Variants in SLC24A3 observed in about 807,000 individuals in gnomAD.
The protein encoded by SLC24A3 is sodium/potassium/calcium exchanger 3.
In SLC24A3, 28 loss-of-function variants were observed where a neutral mutation model predicts 75.8. The ratio of observed to expected loss-of-function variants is 0.37; its 90% confidence interval spans 0.27 to 0.51. The LOEUF (loss-of-function observed/expected upper bound fraction) is 0.51, where lower values mean the gene tolerates loss of function less well. Ranked by LOEUF, SLC24A3 falls within the 20% of genes least tolerant of loss-of-function variation. SLC24A3 has a pLI of 0.94. For synonymous variants in SLC24A3, 372 were observed against 334.1 expected, an observed-to-expected ratio of 1.11 and a Z score of -1.24; for missense variants, 663 against 847.8, an observed-to-expected ratio of 0.78 and a Z score of 2.71.
intron 1 of SLC24A3, among the ~76,000 whole-genome samples, chr20:19,253,457 G>T (rs1982722180): frequency 6.6e-6 from 1 of 152,076 alleles, no homozygotes; most frequent in Non-Finnish European, 1.5e-5. Context: ...GAATCCTCTA[G>T]ACTTCCCCAA....
chr20:19,273,652 C>G (rs1402466686), intron 1 of SLC24A3, among the ~76,000 whole-genome samples: 5 of 152,108 alleles, frequency 3.3e-5, no homozygotes, highest in Non-Finnish European at 7.4e-5. Flanking sequence ...GATTCTGACT[C>G]TGGTCCAGCC....
Position 19,511,600 on chromosome 20 carries a change from T to A in SLC24A3, c.272-3888T>A, listed in dbSNP as rs532331485. On this transcript the variant is annotated intron_variant, in intron 2 of 16. Transcript: ENST00000328041. Reference sequence around the variant, plus strand: ...CATCGGCCTCCCAAAGTGCTGGGATTACAGGCGTGAGCCACCGCGCCCGGC... The same window carrying A: ...CATCGGCCTCCCAAAGTGCTGGGATAACAGGCGTGAGCCACCGCGCCCGGC... 3.9e-5 allele frequency among the ~76,000 whole-genome samples: 6 copies of A among 152,300 alleles called. No homozygotes were observed. The South Asian group carries it at 8.3e-4, about 21-fold the overall frequency.
chr20:19,436,113 C>T (rs1987196876), intron 2 of SLC24A3, among the ~76,000 whole-genome samples: 1 of 152,152 alleles, frequency 6.6e-6, no homozygotes. Context: ...GTTTCCAGAA[C>T]TTGGCACATG....
At chr20:19,432,101 A>C (rs1600478839) in intron 2 of SLC24A3, among the ~76,000 whole-genome samples, 1 of 152,138 alleles carries the variant, frequency 6.6e-6, no homozygotes, top group East Asian at 1.9e-4. Context: ...CAAAGGCACC[A>C]CTGAGGTGAC....
At chr20:19,236,420 A>G (rs1982170232) in intron 1 of SLC24A3, among the ~76,000 whole-genome samples, 1 of 152,158 alleles carries the variant, frequency 6.6e-6, no homozygotes, top group Non-Finnish European at 1.5e-5. Flanking sequence ...CATATATCAT[A>G]GTATGCTTCT....
At chr20:19,539,514 C>G (rs949435310) in intron 3 of SLC24A3, among the ~76,000 whole-genome samples, 4 of 152,152 alleles carry the variant, frequency 2.6e-5, no homozygotes, top group Admixed American at 6.5e-5. Context: ...CACTGAGACA[C>G]AGTAAGCACT....
intron 2 of SLC24A3, among the ~76,000 whole-genome samples, chr20:19,324,107 G>A (rs896316660): frequency 6.6e-6 from 1 of 152,188 alleles, no homozygotes; most frequent in Non-Finnish European, 1.5e-5. Context: ...TTGCTGCCAT[G>A]ATGTGGCCTA....
At chr20:19,645,370 A>G (rs2032125033) in intron 6 of SLC24A3, among the ~76,000 whole-genome samples, 1 of 152,204 alleles carries the variant, frequency 6.6e-6, no homozygotes. Context: ...ATGCTAATTA[A>G]TATAATTATT....
At chr20:19,314,161 G>A (rs1246874325) in intron 2 of SLC24A3, among the ~76,000 whole-genome samples, 1 of 152,134 alleles carries the variant, frequency 6.6e-6, no homozygotes, top group Admixed American at 6.5e-5. Context: ...TTTGCTGTAA[G>A]GTCCCAGGCC....
intron 6 of SLC24A3, among the ~76,000 whole-genome samples, chr20:19,614,991 A>G (rs1204389332): frequency 6.6e-6 from 1 of 152,174 alleles, no homozygotes; most frequent in Non-Finnish European, 1.5e-5. Flanking sequence ...CTTTTTGTTA[A>G]AGCCGTAATC....
At chr20:19,328,952 G>A (rs6075500) in intron 2 of SLC24A3, among the ~76,000 whole-genome samples, 46,146 of 152,122 alleles carry the variant, frequency 0.3, 7,476 homozygotes, top group Middle Eastern at 0.51. Context: ...CCATCGAGGC[G>A]GGAGGAGGAT....
chr20:19,241,209 C>A (rs948528774), intron 1 of SLC24A3, among the ~76,000 whole-genome samples: 4 of 152,206 alleles, frequency 2.6e-5, no homozygotes, highest in Admixed American at 2.6e-4. Flanking sequence ...AGGACACGGA[C>A]GGGGTTATCC....
chr20:19,344,390 A>C (rs952772317), intron 2 of SLC24A3, among the ~76,000 whole-genome samples: 6 of 152,324 alleles, frequency 3.9e-5, no homozygotes, highest in East Asian at 3.9e-4. Context: ...CCATAACTAC[A>C]TATGTACATG....
intron 2 of SLC24A3, among the ~76,000 whole-genome samples, chr20:19,472,274 T>TA (rs1222487063): frequency 1.3e-5 from 2 of 152,220 alleles, no homozygotes; most frequent in Admixed American, 6.5e-5. Flanking sequence ...GTTATGCACA[T>TA]AAAAAATGCA....
chr20:19,332,302 G>C (rs1358653024), intron 2 of SLC24A3, among the ~76,000 whole-genome samples: 1 of 152,104 alleles, frequency 6.6e-6, no homozygotes, highest in Non-Finnish European at 1.5e-5. Flanking sequence ...TGGCCTCTCT[G>C]GGGACACAGC....
At chr20:19,535,173 T>A (rs2030373700) in intron 3 of SLC24A3, among the ~76,000 whole-genome samples, 1 of 152,244 alleles carries the variant, frequency 6.6e-6, no homozygotes, top group African/African-American at 2.4e-5. Context: ...AGGAGTGATA[T>A]TGTATCAGTT....
At chr20:19,369,849 T>G (rs1342876807) in intron 2 of SLC24A3, among the ~76,000 whole-genome samples, 3 of 152,178 alleles carry the variant, frequency 2.0e-5, no homozygotes, top group African/African-American at 7.2e-5. Context: ...TTTTTTTTTG[T>G]AGAGTTGAGA....
At chr20:19,706,363 C>T (rs572456719) in intron 15 of SLC24A3, among the ~76,000 whole-genome samples, 38 of 152,254 alleles carry the variant, frequency 2.5e-4, no homozygotes, top group African/African-American at 8.7e-4. Context: ...GTGATGCCTG[C>T]TCTCCTAAGG....
intron 2 of SLC24A3, among the ~76,000 whole-genome samples, chr20:19,458,920 T>C (rs1169750286): frequency 2.6e-5 from 4 of 152,242 alleles, no homozygotes; most frequent in South Asian, 4.1e-4. Context: ...TTAAGAATTA[T>C]AACTTGTAAA....
Sources: allele counts gnomAD v4.1 joint callset (sites outside exome capture counted in the v4.1 genomes callset), GRCh38; gene constraint gnomAD v4.1.1; transcripts MANE v1.5; gene names NCBI Gene and HGNC (gene_info 2026-07-23, HGNC 2026-07-21).